The following LRBA variants were observed in gnomAD, a reference collection of about 807,000 sequenced individuals.
The protein encoded by LRBA is LPS responsive beige-like anchor protein.
Under a neutral mutation model 330.0 loss-of-function variants are expected in LRBA, and 176 were observed. The ratio of observed to expected loss-of-function variants is 0.53; its 90% CI spans 0.47 to 0.60. The LOEUF is 0.60. Among genes scored for constraint, LRBA ranks in the 20% least tolerant of loss-of-function variants. The pLI, the probability that LRBA is intolerant of heterozygous loss-of-function variation, is 0.00. For synonymous variants in LRBA, 1,230 were observed against 1,193.0 expected, an observed-to-expected ratio of 1.03 and a Z score of -0.64; for missense variants, 3,259 against 3,444.8, an observed-to-expected ratio of 0.95 and a Z score of 1.35.
chr4:150,842,534 A>G (rs1749247230), intron 28 of LRBA, among the ~76,000 whole-genome samples: 1 of 152,246 alleles, frequency 6.6e-6, no homozygotes, highest in South Asian at 2.1e-4. Context: ...CAATGGAAAA[A>G]AAGTGAACAG....
intron 41 of LRBA, among the ~76,000 whole-genome samples, chr4:150,489,067 T>C (rs1175082081): frequency 6.6e-5 from 4 of 60,766 alleles, no homozygotes; most frequent in Non-Finnish European, 8.4e-5. Flanking sequence ...GAATATATAA[T>C]ATATTATATA....
intron 41 of LRBA, among the ~76,000 whole-genome samples, chr4:150,489,106 T>TATATATAATATATAATATATAAGA (rs1280366659): frequency 4.9e-4 from 12 of 24,306 alleles, no homozygotes; most frequent in African/African-American, 1.0e-3. Context: ...TACAATATAT[T>TATATATAATATATAATATATAAGA]ATATATCATA....
At chr4:150,413,979 T>C (rs1747375427) in intron 47 of LRBA, among the ~76,000 whole-genome samples, 1 of 151,998 alleles carries the variant, frequency 6.6e-6, no homozygotes, top group African/African-American at 2.4e-5. Flanking sequence ...ACAGAAACTT[T>C]GTGAGAATCT....
intron 34 of LRBA, among the ~76,000 whole-genome samples, chr4:150,777,691 C>A (rs559467937): frequency 6.6e-6 from 1 of 152,064 alleles, no homozygotes; most frequent in African/African-American, 2.4e-5. Flanking sequence ...CAAAACTAGG[C>A]AAAACTGGCC....
intron 47 of LRBA, among the ~76,000 whole-genome samples, chr4:150,378,966 C>G (rs1478496851): frequency 6.6e-6 from 1 of 151,690 alleles, no homozygotes. Context: ...TATTAATTTA[C>G]CCATTAATAA....
chr4:150,593,962 T>C (rs1773192526), intron 38 of LRBA, among the ~76,000 whole-genome samples: 1 of 152,166 alleles, frequency 6.6e-6, no homozygotes. Flanking sequence ...TTTTTAAATA[T>C]GTTCTAATCA....
intron 37 of LRBA, among the ~76,000 whole-genome samples, chr4:150,680,618 TA>T (rs1782971422): frequency 6.6e-6 from 1 of 152,224 alleles, no homozygotes; most frequent in Non-Finnish European, 1.5e-5. Flanking sequence ...ATCATTGTGT[TA>T]TCCATAAAGC....
chr4:150,439,451 T>C (rs761285875), intron 44 of LRBA, among the ~76,000 whole-genome samples: 2 of 151,928 alleles, frequency 1.3e-5, no homozygotes, highest in Non-Finnish European at 2.9e-5. Flanking sequence ...TATCAAGACA[T>C]ACCACGTTTA....
intron 2 of LRBA, among the ~76,000 whole-genome samples, chr4:150,960,664 T>A (rs1292895640): frequency 6.7e-6 from 1 of 149,102 alleles, no homozygotes; most frequent in Non-Finnish European, 1.5e-5. Flanking sequence ...CAAAATTCTA[T>A]TTCTTGACCT....
At chr4:150,821,517 T>C (rs1019739470) in intron 30 of LRBA, among the ~76,000 whole-genome samples, 5 of 152,066 alleles carry the variant, frequency 3.3e-5, no homozygotes, top group Admixed American at 2.6e-4. Context: ...GGGATACTCA[T>C]TTCAAAGTTT....
intron 17 of LRBA, among the ~76,000 whole-genome samples, chr4:150,878,655 A>G (rs1363101071): frequency 6.6e-6 from 1 of 152,112 alleles, no homozygotes; most frequent in African/African-American, 2.4e-5. Context: ...GACAAAGTTG[A>G]TGATACAACC....
At chr4:150,966,222 C>T (rs868236105) in intron 2 of LRBA, among the ~76,000 whole-genome samples, 1 of 151,818 alleles carries the variant, frequency 6.6e-6, no homozygotes, top group South Asian at 2.1e-4. Context: ...GAGGCAAATG[C>T]ATTAAAAGCA....
In LRBA at chr4:150,906,363, T is replaced by C. The variant is rs1731340564; in HGVS notation, c.1536A>G (p.Ser512=). 2.5e-6 allele frequency: 4 copies of C among 1,612,554 alleles called. No homozygotes were observed. The highest frequency in any genetic ancestry group is 3.4e-6 in the Non-Finnish European group (4 of 1,178,860). ...CAAGCATCTGTTCCTGCATAGCAAT[T>C]GAGTTCTTCAACAATTCCATGATAA... ...LAFIMELLKN[S]IAMQEQMLAC... Residue 512 remains serine (S), a synonymous_variant, in exon 12 of 57, where the codon TCA becomes TCG. Transcript: ENST00000651943.
intron 56 of LRBA, among the ~76,000 whole-genome samples, chr4:150,266,927 A>AGTAGTG (rs1371631383): frequency 4.0e-4 from 61 of 152,248 alleles, no homozygotes; most frequent in Non-Finnish European, 6.9e-4. Flanking sequence ...AATATCAGAC[A>AGTAGTG]AAATAGTCTT....
At chr4:150,379,687 G>A (rs1156249243) in intron 47 of LRBA, among the ~76,000 whole-genome samples, 1 of 152,150 alleles carries the variant, frequency 6.6e-6, no homozygotes, top group African/African-American at 2.4e-5. Context: ...CAAATGAATA[G>A]TGCTATTTTC....
At chr4:150,510,810 C>A (rs936031717) in intron 40 of LRBA, among the ~76,000 whole-genome samples, 8 of 151,970 alleles carry the variant, frequency 5.3e-5, no homozygotes, top group Non-Finnish European at 8.8e-5. Flanking sequence ...CCACCATATG[C>A]CCTCTAAACT....
chr4:150,537,341 ATTT>A (rs1259355076), intron 40 of LRBA, among the ~76,000 whole-genome samples: 1 of 152,218 alleles, frequency 6.6e-6, no homozygotes, highest in Non-Finnish European at 1.5e-5. Context: ...TAGATGAAAG[ATTT>A]CAAGGTAAGA....
At chr4:150,823,221 G>A (rs1745727305) in intron 30 of LRBA, among the ~76,000 whole-genome samples, 1 of 152,072 alleles carries the variant, frequency 6.6e-6, no homozygotes, top group Admixed American at 6.6e-5. Context: ...TGTCTTCTTT[G>A]AGAAATGTCT....
intron 36 of LRBA, among the ~76,000 whole-genome samples, chr4:150,703,430 A>T (rs957527721): frequency 6.6e-6 from 1 of 152,210 alleles, no homozygotes; most frequent in Non-Finnish European, 1.5e-5. Context: ...TATTACTGAC[A>T]ATTTCATTCA....
Sources: allele counts gnomAD v4.1 joint callset (sites outside exome capture counted in the v4.1 genomes callset), GRCh38; gene constraint gnomAD v4.1.1; transcripts MANE v1.5; gene names NCBI Gene and HGNC (gene_info 2026-07-23, HGNC 2026-07-21).